ZFHX3: variants seen among roughly 807,000 people sequenced by gnomAD.
ZFHX3 encodes the protein zinc finger homeobox protein 3.
Under a neutral mutation model 279.1 loss-of-function variants are expected in ZFHX3, and 42 were observed. The observed-to-expected ratio is 0.15, with a 90% CI of 0.12 to 0.19. ZFHX3 has a LOEUF of 0.19. ZFHX3 is among the 10% of genes least tolerant of loss of function. The pLI is 1.00. For synonymous variants in ZFHX3, 2,293 were observed against 1,957.8 expected, an observed-to-expected ratio of 1.17 and a Z score of -4.52; for missense variants, 4,981 against 4,754.0, an observed-to-expected ratio of 1.05 and a Z score of -1.40.
chr16:73,797,261 A>G (rs536745618), intron 1 of ZFHX3, among the ~76,000 whole-genome samples: 1 of 152,312 alleles, frequency 6.6e-6, no homozygotes, highest in East Asian at 1.9e-4. Flanking sequence ...AGCACTGTTT[A>G]TGCAGTCCAG....
At position 73,203,589 on chromosome 16, in the gene ZFHX3, G is replaced by A. The variant is rs143258679; in HGVS notation, c.-1104+53458C>T. 2.6e-5 allele frequency among the ~76,000 whole-genome samples: 4 copies of A among 152,290 alleles called. No homozygotes were observed. The East Asian group carries it at 7.7e-4, about 29-fold the overall frequency. On this transcript the variant is annotated intron_variant, in intron 5 of 17. Transcript: ENST00000641206. ...TTGGTACCATTAGGCCAGAAAACATGTGAAAACCATTCAAACAAATTCTGA... is the reference window on the plus strand; with the variant it reads ...TTGGTACCATTAGGCCAGAAAACATATGAAAACCATTCAAACAAATTCTGA...
chr16:73,685,649 T>C (rs577798305), intron 1 of ZFHX3, among the ~76,000 whole-genome samples: 24 of 152,372 alleles, frequency 1.6e-4, no homozygotes, highest in African/African-American at 5.0e-4. Flanking sequence ...GAATCTATTA[T>C]ATCAGTTCAT....
At chr16:73,111,795 T>C (rs556141417) in intron 7 of ZFHX3, among the ~76,000 whole-genome samples, 9 of 152,224 alleles carry the variant, frequency 5.9e-5, no homozygotes, top group African/African-American at 1.7e-4. Flanking sequence ...GCCGTGCACC[T>C]AACACATTCT....
At chr16:73,531,607 C>T (rs2019803890) in intron 2 of ZFHX3, among the ~76,000 whole-genome samples, 1 of 148,236 alleles carries the variant, frequency 6.7e-6, no homozygotes, top group African/African-American at 2.5e-5. Flanking sequence ...CCCAGCTACT[C>T]AGGAGGCTGA....
At chr16:73,018,347 C>G (rs1336984532) in intron 1 of ZFHX3, among the ~76,000 whole-genome samples, 2 of 152,054 alleles carry the variant, frequency 1.3e-5, no homozygotes, top group Admixed American at 6.5e-5. Flanking sequence ...GTGGCTCACG[C>G]CTGTCATCCC....
At chr16:73,717,424 C>T (rs1324847294) in intron 1 of ZFHX3, among the ~76,000 whole-genome samples, 1 of 152,156 alleles carries the variant, frequency 6.6e-6, no homozygotes, top group Non-Finnish European at 1.5e-5. Context: ...CCTCACTGGT[C>T]ACTGGAGGCC....
At chr16:73,807,620 ATTTT>A (rs55806545) in intron 1 of ZFHX3, among the ~76,000 whole-genome samples, 2,101 of 70,424 alleles carry the variant, frequency 0.03, 63 homozygotes, top group African/African-American at 0.1. Flanking sequence ...CCATGCCCCA[ATTTT>A]TTTTTTTTTT....
Position 73,807,794 on chromosome 16 carries a change from GAC to G in ZFHX3, c.-1608+83855_-1608+83856del, listed in dbSNP as rs201379001. Reference sequence around the variant, plus strand: ...CCAAAGTATCAGTTTTCTAAGAAAAGACATCCCACCTACCCACCCATTCACGC... The same window carrying G: ...CCAAAGTATCAGTTTTCTAAGAAAAGATCCCACCTACCCACCCATTCACGC... On this transcript the variant is annotated intron_variant, in intron 1 of 17. Transcript: ENST00000641206. 7.5e-3 allele frequency among the ~76,000 whole-genome samples: 1,140 copies of G among 151,816 alleles called. 12 individuals carry two copies. Among genetic ancestry groups the G allele is most frequent in the African/African-American group, 0.027 (1,103 of 41,412 alleles).
chr16:73,625,043 C>A (rs1025300202), intron 2 of ZFHX3, among the ~76,000 whole-genome samples: 36 of 152,254 alleles, frequency 2.4e-4, no homozygotes, highest in African/African-American at 8.4e-4. Flanking sequence ...TCTACACTTT[C>A]TAGAGGAAAA....
chr16:73,802,835 T>C lies in ZFHX3; in HGVS notation c.-1608+88816A>G, dbSNP rs533965295. Reference sequence around the variant, plus strand: ...TTATGATTTCTTTTTGTTTTTGTTTTTTAATAGAGCCTCACTCTGTTGCCC... The same window carrying C: ...TTATGATTTCTTTTTGTTTTTGTTTCTTAATAGAGCCTCACTCTGTTGCCC... On this transcript the variant is annotated intron_variant, in intron 1 of 17. Coordinates refer to the ZFHX3 transcript ENST00000641206. Among the ~76,000 whole-genome samples, 8 of 152,366 alleles carry C rather than the reference T, an allele frequency of 5.3e-5. No individual in the cohort carries two copies. In the East Asian group the frequency reaches 1.5e-3, roughly 29 times the overall value.
At chr16:73,252,581 T>A (rs1188831520) in intron 5 of ZFHX3, among the ~76,000 whole-genome samples, 2 of 151,838 alleles carry the variant, frequency 1.3e-5, no homozygotes, top group African/African-American at 4.8e-5. Flanking sequence ...GAGTTTAAGT[T>A]CAAGAAGGAA....
At chr16:73,579,419 T>G (rs190967820) in intron 2 of ZFHX3, among the ~76,000 whole-genome samples, 1 of 152,238 alleles carries the variant, frequency 6.6e-6, no homozygotes, top group East Asian at 1.9e-4. Flanking sequence ...GATTGAGACC[T>G]GTCTCAAATA....
At chr16:73,607,756 G>A (rs16972211) in intron 2 of ZFHX3, among the ~76,000 whole-genome samples, 4,331 of 152,222 alleles carry the variant, frequency 0.028, 183 homozygotes, top group African/African-American at 0.099. Flanking sequence ...AATATATGCT[G>A]AACACTCTCA....
At chr16:73,526,227 C>T (rs1394114405) in intron 2 of ZFHX3, among the ~76,000 whole-genome samples, 1 of 152,236 alleles carries the variant, frequency 6.6e-6, no homozygotes, top group African/African-American at 2.4e-5. Context: ...CTTCCGCCAT[C>T]ATGGGCTGAT....
intron 3 of ZFHX3, among the ~76,000 whole-genome samples, chr16:73,425,518 T>C (rs919155823): frequency 1.3e-5 from 2 of 152,160 alleles, no homozygotes; most frequent in African/African-American, 2.4e-5. Context: ...CAAGGCCTTA[T>C]GGCTGGTATG....
chr16:73,437,824 G>A (rs1256410904), intron 3 of ZFHX3, among the ~76,000 whole-genome samples: 1 of 152,150 alleles, frequency 6.6e-6, no homozygotes, highest in East Asian at 1.9e-4. Context: ...TGCCCTGTTT[G>A]CAAAGTTTCC....
chr16:72,914,303 C>T (rs1312208843), intron 3 of ZFHX3, among the ~76,000 whole-genome samples: 1 of 152,166 alleles, frequency 6.6e-6, no homozygotes, highest in Non-Finnish European at 1.5e-5. Flanking sequence ...GGCAGAGAAT[C>T]CAGAACACAT....
chr16:73,813,357 T>G (rs996858445), intron 1 of ZFHX3, among the ~76,000 whole-genome samples: 1 of 151,968 alleles, frequency 6.6e-6, no homozygotes, highest in African/African-American at 2.4e-5. Context: ...TAGTTCCCCA[T>G]AGAGGACAGC....
rs150115947 is a variant in ZFHX3, at chr16:73,087,231, G to A, written c.-533+6004C>T. On this transcript the variant is annotated intron_variant, in intron 8 of 17. Coordinates refer to the ZFHX3 transcript ENST00000641206. ...CTAGACAGGCTGGTCCATCTCAAAG[G>A]GTCATGTAACTAACTACCTGTTGTG... is the stretch of plus-strand genomic sequence containing the variant. Among the ~76,000 whole-genome samples, 316 of 152,228 alleles carry A rather than the reference G, an allele frequency of 2.1e-3. 1 individual carries two copies. Among genetic ancestry groups the A allele is most frequent in the African/African-American group, 7.2e-3 (301 of 41,540 alleles).
Sources: allele counts gnomAD v4.1 joint callset (sites outside exome capture counted in the v4.1 genomes callset), GRCh38; gene constraint gnomAD v4.1.1; transcripts MANE v1.5; gene names NCBI Gene and HGNC (gene_info 2026-07-23, HGNC 2026-07-21).